PRRX1: variants seen among roughly 807,000 people sequenced by gnomAD.
The protein encoded by PRRX1 is paired mesoderm homeobox protein 1.
PRRX1 carries 8 observed loss-of-function variants against 24.0 expected under a neutral mutation model. That is an observed-to-expected ratio of 0.33 (90% CI 0.20 to 0.60). The LOEUF (loss-of-function observed/expected upper bound fraction) is 0.60. Among genes scored for constraint, PRRX1 ranks in the 20% least tolerant of loss-of-function variants. PRRX1 has a pLI of 0.82. For synonymous variants in PRRX1, 160 were observed against 131.7 expected (o/e 1.22, Z -1.47); for missense variants, 281 against 322.4 (o/e 0.87, Z 0.98).
intron 1 of PRRX1, among the ~76,000 whole-genome samples, chr1:170,671,508 C>G (rs1653145649): frequency 6.6e-6 from 1 of 152,254 alleles, no homozygotes; most frequent in African/African-American, 2.4e-5. Context: ...ACGCTTTCCT[C>G]CTTGCCTTCT....
At chr1:170,709,397 C>A (rs1654672368) in intron 1 of PRRX1, among the ~76,000 whole-genome samples, 1 of 152,140 alleles carries the variant, frequency 6.6e-6, no homozygotes, top group South Asian at 2.1e-4. Context: ...TCACCATTAG[C>A]AGTACAACTA....
chr1:170,691,449 T>C (rs1001542000), intron 1 of PRRX1, among the ~76,000 whole-genome samples: 3 of 80,882 alleles, frequency 3.7e-5, no homozygotes, highest in Non-Finnish European at 5.4e-5. Context: ...CCATTTCCTT[T>C]CCTTTCCTTT....
At chr1:170,730,109 G>A (rs1321834794) in intron 3 of PRRX1, 1 of 730,666 alleles carries the variant, frequency 1.4e-6, no homozygotes, top group Non-Finnish European at 2.5e-6. Flanking sequence ...CAGAGGGAGG[G>A]CTGGGCTTAA....
chr1:170,695,070 T>C (rs1417761594), intron 1 of PRRX1, among the ~76,000 whole-genome samples: 1 of 152,156 alleles, frequency 6.6e-6, no homozygotes, highest in Non-Finnish European at 1.5e-5. Flanking sequence ...TCCTCAGTGA[T>C]GGTGGAGATG....
chr1:170,664,264 G>A lies in PRRX1; in HGVS notation c.46G>A (p.Gly16Ser), dbSNP rs761732223. The A allele has an allele frequency of 3.1e-6, 5 of 1,612,822 alleles. No homozygotes were observed. Among genetic ancestry groups the A allele is most frequent in the South Asian group, 1.1e-5 (1 of 90,668 alleles). The change falls in exon 1 of 4, where the codon GGC (glycine) becomes AGC (serine). Residue 16 changes from glycine to serine, a missense_variant. Physicochemically the swap from Gly to Ser is moderately conservative, Grantham distance 56. Transcript: ENST00000239461. ...CGTTCTGGAGCGGCAACCGGCGCTG[G>A]GCGGCCGCTTGGACAGCCCGGGCAA... Reference protein sequence around the residue: ...GHVLERQPALGGRLDSPGNLD... With the variant: ...GHVLERQPALSGRLDSPGNLD...
At chr1:170,726,186 C>G (rs1050183220) in intron 2 of PRRX1, 34 bp from the exon 3 acceptor site, 8 of 1,592,064 alleles carry the variant, frequency 5.0e-6, no homozygotes, top group Admixed American at 1.7e-5. Context: ...TCCTCTCTTT[C>G]CTTATGCCTT....
rs1416497106 is a variant in PRRX1, at chr1:170,739,360, T to C, written c.*3174T>C. ...AAAATATACATTGTTTGCGCTAGAA[T>C]AGAAATGATTTCTTTTCAATAAAAA... On this transcript the variant is annotated 3_prime_UTR_variant, in exon 4 of 4. Transcript: ENST00000239461. 1 of 177,616 alleles carries C rather than the reference T, an allele frequency of 5.6e-6. No homozygotes were observed. The highest frequency in any genetic ancestry group is 9.5e-5 in the East Asian group (1 of 10,480). The allele number at this position is 177,616 out of a possible 1,614,324, so 11.0% of individuals were successfully genotyped here.
chr1:170,687,329 A>G (rs1413244975), intron 1 of PRRX1, among the ~76,000 whole-genome samples: 1 of 152,084 alleles, frequency 6.6e-6, no homozygotes, highest in Non-Finnish European at 1.5e-5. Context: ...CTAAACAAGA[A>G]CTCTTGGCCT....
In PRRX1 at chr1:170,738,876, A is replaced by G. The variant is rs1655707723; in HGVS notation, c.*2690A>G. 1 of 229,518 alleles carries G rather than the reference A, an allele frequency of 4.4e-6. No individual in the cohort carries two copies. The highest frequency in any genetic ancestry group is 2.2e-5 in the African/African-American group (1 of 45,190). 14.2% of individuals were successfully genotyped at this position (229,518 alleles called of 1,614,324 possible). The stretch of plus-strand genomic sequence containing the variant: ...TCTCAAGCAAGCAATGTCTGGGAAT[A>G]TCATAGAGTAACAAGTGCTGGTCAG... On this transcript the variant is annotated 3_prime_UTR_variant, in exon 4 of 4. Coordinates refer to ENST00000239461, the MANE Select transcript of PRRX1 (RefSeq NM_022716.4).
chr1:170,698,051 C>A (rs1654232106), intron 1 of PRRX1, among the ~76,000 whole-genome samples: 1 of 151,976 alleles, frequency 6.6e-6, no homozygotes, highest in African/African-American at 2.4e-5. Flanking sequence ...TGAGCCAAAT[C>A]TTATGTAAGT....
rs1655026768 is a variant in PRRX1 at position 170,719,887 on chromosome 1, G to A, written c.403G>A (p.Glu135Lys). 1 of 1,614,050 alleles carries A rather than the reference G, an allele frequency of 6.2e-7. No homozygotes were observed. The highest frequency in any genetic ancestry group is 8.5e-7 in the Non-Finnish European group (1 of 1,179,974). The stretch of plus-strand genomic sequence containing the variant: ...CCTTGCCCGCCGGGTGAACCTCACC[G>A]AGGCGAGAGTGCAGGTAACTCAAGC... The part of the protein sequence containing the change: ...EDLARRVNLT[E>K]ARVQVWFQNR... The change falls in exon 2 of 4, where the codon GAG (glutamate) becomes AAG (lysine). Residue 135 changes from glutamate to lysine, a missense_variant. Glu to Lys is a moderately conservative substitution (Grantham distance 56). Transcript: ENST00000239461.
chr1:170,721,621 C>T (rs1655088510), intron 2 of PRRX1, among the ~76,000 whole-genome samples: 1 of 152,148 alleles, frequency 6.6e-6, no homozygotes, highest in Admixed American at 6.5e-5. Context: ...GCCTGTGGGG[C>T]CCCTGAGGGT....
chr1:170,666,442 TA>T (rs1261134352), intron 1 of PRRX1, among the ~76,000 whole-genome samples: 1 of 104,694 alleles, frequency 9.6e-6, no homozygotes, highest in Non-Finnish European at 2.0e-5. Context: ...AAAAAAAAAG[TA>T]GGGAGAACAG....
chr1:170,726,105 C>T lies in PRRX1; in HGVS notation c.418-115C>T, dbSNP rs183686453. On this transcript the variant is annotated intron_variant, in intron 2 of 3. Coordinates refer to ENST00000239461, the MANE Select transcript of PRRX1 (RefSeq NM_022716.4). The stretch of plus-strand genomic sequence containing the variant: ...GGAGAATTCCATAGCCATCTTATAT[C>T]TTCTTTGGGAAGGCATTATATAGTA... The T allele has an allele frequency of 4.7e-5, 49 of 1,040,972 alleles. No individual in the cohort carries two copies. In the East Asian group the frequency reaches 1.2e-3, roughly 26 times the overall value. 64.5% of individuals were successfully genotyped at this position (1,040,972 alleles called of 1,614,324 possible).
At chr1:170,666,789 A>G (rs978946814) in intron 1 of PRRX1, among the ~76,000 whole-genome samples, 1 of 152,040 alleles carries the variant, frequency 6.6e-6, no homozygotes, top group Non-Finnish European at 1.5e-5. Flanking sequence ...CTCTGAGTGG[A>G]CGCCACTCCC....
At chr1:170,730,115 C>A in intron 3 of PRRX1, 1 of 748,512 alleles carries the variant, frequency 1.3e-6, no homozygotes, top group Non-Finnish European at 2.5e-6. Flanking sequence ...GAGGGCTGGG[C>A]TTAAAAGAAA....
At chr1:170,699,896 C>T (rs376584704) in intron 1 of PRRX1, among the ~76,000 whole-genome samples, 61 of 152,018 alleles carry the variant, frequency 4.0e-4, no homozygotes, top group Non-Finnish European at 7.5e-4. Flanking sequence ...CCACCACGCT[C>T]GGGTAATTTC....
intron 1 of PRRX1, among the ~76,000 whole-genome samples, chr1:170,682,733 A>G (rs1653596825): frequency 6.6e-6 from 1 of 152,204 alleles, no homozygotes; most frequent in Admixed American, 6.5e-5. Context: ...CCTGAACCTT[A>G]TATTCTCCTG....
At chr1:170,692,216 A>G (rs1323821525) in intron 1 of PRRX1, among the ~76,000 whole-genome samples, 8 of 152,138 alleles carry the variant, frequency 5.3e-5, no homozygotes, top group Admixed American at 1.3e-4. Context: ...CATTTGTATT[A>G]TTAATAACAA....
Sources: gnomAD v4.1 joint callset for allele counts (sites outside exome capture counted in the v4.1 genomes callset) on GRCh38, gnomAD v4.1.1 for gene constraint, MANE v1.5 for transcripts, NCBI Gene and HGNC (gene_info 2026-07-23, HGNC 2026-07-21) for gene names.